The following MAP4K3 variants were observed in gnomAD, a reference collection of about 807,000 sequenced individuals.
MAP4K3 encodes mitogen-activated protein kinase kinase kinase kinase 3.
In MAP4K3, 94 loss-of-function variants were observed where a neutral mutation model predicts 143.5. The observed-to-expected ratio is 0.65, with a 90% CI of 0.55 to 0.78. The LOEUF is 0.78. Ranked by LOEUF, MAP4K3 falls within the 30% of genes least tolerant of loss-of-function variation. The pLI is 0.00. For synonymous variants in MAP4K3, 416 were observed against 347.2 expected (o/e 1.20, Z -2.20); for missense variants, 1,077 against 1,068.1 (o/e 1.01, Z -0.12).
intron 24 of MAP4K3, among the ~76,000 whole-genome samples, chr2:39,275,987 C>G (rs1681231632): frequency 6.6e-6 from 1 of 152,162 alleles, no homozygotes; most frequent in East Asian, 1.9e-4. Context: ...ATTCTCCTGT[C>G]TCAGCCTCCT....
At chr2:39,374,367 T>A (rs545787886) in intron 2 of MAP4K3, among the ~76,000 whole-genome samples, 18 of 151,208 alleles carry the variant, frequency 1.2e-4, no homozygotes, top group African/African-American at 4.4e-4. Context: ...CTCAAAACAA[T>A]AAAAAATAAA....
chr2:39,417,128 G>C lies in MAP4K3; in HGVS notation c.96+19764C>G, dbSNP rs982106898. The stretch of plus-strand genomic sequence containing the variant: ...TGGCTTGTCAACTTGTAACAGAGTT[G>C]TGAAAATTTCTAAAAAGCTATACAG... On this transcript the variant is annotated intron_variant, in intron 1 of 33. Transcript: ENST00000263881. Among the ~76,000 whole-genome samples the C allele has an allele frequency of 2.6e-5, 4 of 152,054 alleles. No homozygotes were observed. In the South Asian group the frequency reaches 6.2e-4, roughly 24 times the overall value.
At chr2:39,368,257 G>A (rs1363128411) in intron 2 of MAP4K3, among the ~76,000 whole-genome samples, 1 of 152,074 alleles carries the variant, frequency 6.6e-6, no homozygotes, top group Non-Finnish European at 1.5e-5. Flanking sequence ...TCTGGAGTAA[G>A]GACAGAAAAA....
intron 14 of MAP4K3, 27 bp downstream of exon 14, chr2:39,309,434 C>T (rs376009076): frequency 6.7e-5 from 101 of 1,507,940 alleles, no homozygotes; most frequent in Non-Finnish European, 8.9e-5. Context: ...ATTTTCAGTG[C>T]TAACATTCTA....
chr2:39,290,416 A>C, intron 18 of MAP4K3, 82 bp from the exon 19 acceptor site: 1 of 889,916 alleles, frequency 1.1e-6, no homozygotes, highest in South Asian at 1.8e-5. Context: ...TTTCAAAGAC[A>C]CATAAAAAAG....
intron 7 of MAP4K3, 35 bp downstream of exon 7, chr2:39,333,497 G>GA: frequency 1.3e-6 from 2 of 1,537,446 alleles, no homozygotes; most frequent in Middle Eastern, 3.4e-4. Flanking sequence ...TCTTAGAATA[G>GA]ATTTGTGCAC....
At position 39,249,517 on chromosome 2, in the gene MAP4K3, A is replaced by T. The variant is rs1573050661; in HGVS notation, c.*1101T>A. The T allele has an allele frequency of 6.6e-6, 1 of 152,602 alleles. No homozygotes were observed. The highest frequency in any genetic ancestry group is 1.5e-5 in the Non-Finnish European group (1 of 68,008). The allele number at this position is 152,602 out of a possible 1,614,324, so 9.5% of individuals were successfully genotyped here. ...TCAAAAATGACTTAAACCAAAACTAAGTTCCTGTGATGTGTAGTAACCATT... is the reference window on the plus strand; with the variant it reads ...TCAAAAATGACTTAAACCAAAACTATGTTCCTGTGATGTGTAGTAACCATT... On this transcript the variant is annotated 3_prime_UTR_variant, in exon 34 of 34. Transcript: ENST00000263881.
intron 12 of MAP4K3, among the ~76,000 whole-genome samples, chr2:39,316,803 G>A (rs2148506419): frequency 6.6e-6 from 1 of 152,196 alleles, no homozygotes; most frequent in Non-Finnish European, 1.5e-5. Context: ...TAGCTCATCT[G>A]AACTTAAAAA....
At chr2:39,267,271 C>T (rs375643633) in intron 26 of MAP4K3, 24 bp from the exon 27 acceptor site, 76 of 1,579,570 alleles carry the variant, frequency 4.8e-5, no homozygotes, top group Non-Finnish European at 5.8e-5. Context: ...AAAGTGAGTA[C>T]GTAATATATG....
At chr2:39,421,811 C>A (rs1185943046) in intron 1 of MAP4K3, among the ~76,000 whole-genome samples, 2 of 152,042 alleles carry the variant, frequency 1.3e-5, no homozygotes, top group Non-Finnish European at 2.9e-5. Flanking sequence ...GGACTTCATT[C>A]TTCGATTTTC....
intron 31 of MAP4K3, among the ~76,000 whole-genome samples, chr2:39,255,410 A>G (rs915177700): frequency 2.0e-5 from 3 of 152,078 alleles, no homozygotes; most frequent in Non-Finnish European, 4.4e-5. Flanking sequence ...AATAAATCTT[A>G]TTTTGTTTTC....
At chr2:39,368,204 T>C (rs1290523137) in intron 2 of MAP4K3, among the ~76,000 whole-genome samples, 3 of 152,160 alleles carry the variant, frequency 2.0e-5, no homozygotes, top group African/African-American at 7.2e-5. Context: ...ACCCTACAGT[T>C]TCTATATGTA....
At chr2:39,269,015 C>T (rs1412272944) in intron 26 of MAP4K3, among the ~76,000 whole-genome samples, 3 of 152,066 alleles carry the variant, frequency 2.0e-5, no homozygotes, top group Admixed American at 1.3e-4. Flanking sequence ...GCCAAAAGTG[C>T]AGCCTCCTTA....
chr2:39,381,583 A>G (rs759520393), intron 1 of MAP4K3, among the ~76,000 whole-genome samples: 35 of 151,966 alleles, frequency 2.3e-4, no homozygotes, highest in Non-Finnish European at 4.7e-4. Context: ...TTTTCCTATG[A>G]TTTTTTTTTC....
chr2:39,261,715 A>C (rs1680576030), intron 28 of MAP4K3, among the ~76,000 whole-genome samples: 1 of 152,218 alleles, frequency 6.6e-6, no homozygotes, highest in Non-Finnish European at 1.5e-5. Flanking sequence ...AAAATAAAAA[A>C]TTATATATAG....
At chr2:39,298,691 C>T (rs1002417399) in intron 16 of MAP4K3, among the ~76,000 whole-genome samples, 6 of 152,176 alleles carry the variant, frequency 3.9e-5, no homozygotes, top group South Asian at 2.1e-4. Context: ...TTGCGAGGCA[C>T]GGTGGCTCAC....
chr2:39,353,947 A>G (rs989354412), intron 3 of MAP4K3, among the ~76,000 whole-genome samples: 4 of 152,200 alleles, frequency 2.6e-5, no homozygotes, highest in African/African-American at 4.8e-5. Context: ...TAATTGATTA[A>G]TAAGTGATAG....
At chr2:39,383,334 G>A (rs1444023024) in intron 1 of MAP4K3, among the ~76,000 whole-genome samples, 1 of 152,098 alleles carries the variant, frequency 6.6e-6, no homozygotes, top group African/African-American at 2.4e-5. Flanking sequence ...CAAAAGAGGG[G>A]AAGCCCCTTA....
intron 1 of MAP4K3, among the ~76,000 whole-genome samples, chr2:39,400,101 T>C (rs1666914097): frequency 1.3e-5 from 2 of 152,280 alleles, no homozygotes; most frequent in Non-Finnish European, 2.9e-5. Context: ...TGCTATACTT[T>C]AGGTGTAGTG....
Sources: allele counts gnomAD v4.1 joint callset (sites outside exome capture counted in the v4.1 genomes callset), GRCh38; gene constraint gnomAD v4.1.1; transcripts MANE v1.5; gene names NCBI Gene and HGNC (gene_info 2026-07-23, HGNC 2026-07-21).